The following CDKAL1 variants were observed in gnomAD, a reference collection of about 807,000 sequenced individuals.
The protein encoded by CDKAL1 is threonylcarbamoyladenosine tRNA methylthiotransferase.
CDKAL1 carries 32 observed loss-of-function variants against 68.2 expected under a neutral mutation model. That is an observed-to-expected ratio of 0.47 (90% CI 0.35 to 0.63). CDKAL1 has a LOEUF of 0.63. Ranked by LOEUF, CDKAL1 falls within the 30% of genes least tolerant of loss-of-function variation. The pLI, the probability that CDKAL1 is intolerant of heterozygous loss-of-function variation, is 0.00. For missense variants in CDKAL1, 606 were observed against 696.7 expected (o/e 0.87, Z 1.47); for synonymous variants, 234 against 244.3 (o/e 0.96, Z 0.39).
intron 4 of CDKAL1, among the ~76,000 whole-genome samples, chr6:20,619,211 A>G (rs944546750): frequency 7.2e-5 from 11 of 152,220 alleles, no homozygotes; most frequent in African/African-American, 2.4e-4. Context: ...AACTTAAAAC[A>G]TGGTTCAGAC....
At chr6:20,886,934 G>A (rs1291034581) in intron 9 of CDKAL1, among the ~76,000 whole-genome samples, 1 of 152,104 alleles carries the variant, frequency 6.6e-6, no homozygotes, top group Non-Finnish European at 1.5e-5. Flanking sequence ...ACATTTATTT[G>A]GTAAAGGGTT....
At chr6:20,695,780 A>G (rs1183000896) in intron 5 of CDKAL1, among the ~76,000 whole-genome samples, 1 of 152,140 alleles carries the variant, frequency 6.6e-6, no homozygotes, top group Non-Finnish European at 1.5e-5. Flanking sequence ...AAAATTTAAC[A>G]TTTTATCCAT....
chr6:21,086,352 A>T (rs1772691383), intron 12 of CDKAL1, among the ~76,000 whole-genome samples: 1 of 152,024 alleles, frequency 6.6e-6, no homozygotes, highest in African/African-American at 2.4e-5. Context: ...TAAAATATAG[A>T]CTCCTCAATT....
At chr6:20,962,111 T>C (rs955151166) in intron 10 of CDKAL1, among the ~76,000 whole-genome samples, 1 of 152,224 alleles carries the variant, frequency 6.6e-6, no homozygotes, top group Non-Finnish European at 1.5e-5. Flanking sequence ...ATTCCTATAT[T>C]CAAATTATAA....
At chr6:21,085,484 T>C (rs1180781297) in intron 12 of CDKAL1, among the ~76,000 whole-genome samples, 7 of 152,134 alleles carry the variant, frequency 4.6e-5, no homozygotes, top group African/African-American at 1.7e-4. Flanking sequence ...GTAAGAGCTA[T>C]ACAAAGGGCT....
chr6:21,029,706 G>A (rs762003894), intron 11 of CDKAL1, among the ~76,000 whole-genome samples: 12 of 152,072 alleles, frequency 7.9e-5, no homozygotes, highest in Non-Finnish European at 1.6e-4. Flanking sequence ...ACATTTATAC[G>A]GCCAGCAAAC....
chr6:20,702,130 G>A (rs1371117742), intron 5 of CDKAL1, among the ~76,000 whole-genome samples: 3 of 152,158 alleles, frequency 2.0e-5, no homozygotes, highest in Non-Finnish European at 4.4e-5. Context: ...TCAGTGAAAT[G>A]GGAAAGGTTC....
chr6:20,663,501 A>C (rs527550980), intron 5 of CDKAL1, among the ~76,000 whole-genome samples: 11 of 152,252 alleles, frequency 7.2e-5, no homozygotes, highest in African/African-American at 2.4e-4. Flanking sequence ...CATAGTTGAC[A>C]TGTAAGAACT....
At chr6:20,943,365 A>G (rs897507954) in intron 9 of CDKAL1, among the ~76,000 whole-genome samples, 1 of 151,098 alleles carries the variant, frequency 6.6e-6, no homozygotes, top group African/African-American at 2.4e-5. Context: ...AAAAGAAAAA[A>G]AAAGTAATTT....
At chr6:20,599,378 G>T in intron 4 of CDKAL1, 1 of 454,274 alleles carries the variant, frequency 2.2e-6, no homozygotes, top group Non-Finnish European at 4.4e-6. Flanking sequence ...GTTATTTCAG[G>T]TTGAGTGTAC....
rs569490471 is a variant in CDKAL1, at chr6:20,831,859, G to A, written c.639-14216G>A. On this transcript the variant is annotated intron_variant, in intron 8 of 15. Coordinates refer to ENST00000274695, the MANE Select transcript of CDKAL1 (RefSeq NM_017774.3). The stretch of plus-strand genomic sequence containing the variant: ...TTGCTTCAAATGCTGAATGAACGTA[G>A]AATGGTCGACGTTGAGTTCTTCGGC... Among the ~76,000 whole-genome samples, 32 of 152,238 alleles carry A rather than the reference G, an allele frequency of 2.1e-4. No individual in the cohort carries two copies. The South Asian group carries it at 6.6e-3, about 32-fold the overall frequency.
At chr6:20,708,184 TGA>T (rs1771687281) in intron 5 of CDKAL1, among the ~76,000 whole-genome samples, 1 of 152,224 alleles carries the variant, frequency 6.6e-6, no homozygotes, top group African/African-American at 2.4e-5. Flanking sequence ...AAATTTACTC[TGA>T]GAGAAAATAA....
chr6:20,848,947 C>T (rs1758849374), intron 9 of CDKAL1, among the ~76,000 whole-genome samples: 1 of 152,014 alleles, frequency 6.6e-6, no homozygotes. Context: ...CATGCGCTAC[C>T]AAGTCTGGCT....
intron 5 of CDKAL1, among the ~76,000 whole-genome samples, chr6:20,656,787 T>G (rs1321766619): frequency 2.0e-5 from 3 of 152,186 alleles, no homozygotes; most frequent in Admixed American, 6.5e-5. Context: ...CAAGAAAAGT[T>G]TGCCATTTAA....
In CDKAL1 at chr6:20,846,104, C is replaced by T; in HGVS notation, c.668C>T (p.Thr223Ile). The T allele has an allele frequency of 6.2e-7, 1 of 1,612,948 alleles. No individual in the cohort carries two copies. The highest frequency in any genetic ancestry group is 8.5e-7 in the Non-Finnish European group (1 of 1,179,304). ...CTCAATGCTTGTACCTACTGCAAAA[C>T]TAAACACGCCAGAGGAAATTTGGCC... Reference protein sequence around the residue: ...GCLNACTYCKTKHARGNLASY... With the variant: ...GCLNACTYCKIKHARGNLASY... Residue 223 changes from threonine to isoleucine, a missense_variant, in exon 9 of 16, where the codon ACT (threonine) becomes ATT (isoleucine). By Grantham distance (89) the Thr-to-Ile change is moderately conservative. Coordinates refer to ENST00000274695, the MANE Select transcript of CDKAL1 (RefSeq NM_017774.3).
intron 9 of CDKAL1, among the ~76,000 whole-genome samples, chr6:20,857,035 C>T (rs140403413): frequency 6.6e-6 from 1 of 152,164 alleles, no homozygotes; most frequent in African/African-American, 2.4e-5. Context: ...TCAGGTAAGG[C>T]GAGCAAAATT....
At chr6:20,745,653 G>A (rs62399300) in intron 6 of CDKAL1, among the ~76,000 whole-genome samples, 6,260 of 152,070 alleles carry the variant, frequency 0.041, 144 homozygotes, top group Middle Eastern at 0.082. Context: ...ATGGATTCAG[G>A]AACTAGATTG....
intron 9 of CDKAL1, among the ~76,000 whole-genome samples, chr6:20,871,395 A>G (rs990030833): frequency 3.3e-5 from 5 of 152,188 alleles, no homozygotes; most frequent in Non-Finnish European, 7.4e-5. Context: ...CAGCCACTAC[A>G]AATAGCTATA....
At chr6:20,587,805 AC>A (rs892936844) in intron 4 of CDKAL1, among the ~76,000 whole-genome samples, 2 of 141,268 alleles carry the variant, frequency 1.4e-5, no homozygotes, top group African/African-American at 2.7e-5. Context: ...ACCAAAAAAA[AC>A]CCCCAGAAGT....
Sources: allele counts gnomAD v4.1 joint callset (sites outside exome capture counted in the v4.1 genomes callset), GRCh38; gene constraint gnomAD v4.1.1; transcripts MANE v1.5; gene names NCBI Gene and HGNC (gene_info 2026-07-23, HGNC 2026-07-21).